LBR: variants seen among roughly 807,000 people sequenced by gnomAD.
The protein encoded by LBR is lamin B receptor.
Under a neutral mutation model 74.3 loss-of-function variants are expected in LBR, and 28 were observed. The ratio of observed to expected loss-of-function variants is 0.38; its 90% CI spans 0.28 to 0.52. The LOEUF is 0.52. LBR is among the 20% of genes least tolerant of loss of function. The probability of loss-of-function intolerance (pLI) is 0.89; values close to 1 mark genes in which losing one functional copy is unlikely to be tolerated. For missense variants in LBR, 717 were observed against 760.3 expected (o/e 0.94, Z 0.67); for synonymous variants, 228 against 269.3 (o/e 0.85, Z 1.50).
chr1:225,408,367 A>C (rs755315343), intron 10 of LBR, among the ~76,000 whole-genome samples: 3 of 152,196 alleles, frequency 2.0e-5, no homozygotes, highest in Non-Finnish European at 4.4e-5. Flanking sequence ...AAAGAGGATA[A>C]AGGTGACAAA....
Position 225,419,704 on chromosome 1 carries a change from C to T in LBR, c.450+11G>A. The stretch of plus-strand genomic sequence containing the variant: ...AAAAAACAACCAAGATGAAAGGGAA[C>T]ACTTTCCCACCTGTGTATTTTTATG... On this transcript the variant is annotated intron_variant, in intron 4 of 13. Coordinates refer to ENST00000272163, the MANE Select transcript of LBR (RefSeq NM_002296.4). The T allele has an allele frequency of 6.3e-7, 1 of 1,587,664 alleles. No homozygotes were observed. The highest frequency in any genetic ancestry group is 1.1e-5 in the South Asian group (1 of 88,064).
chr1:225,411,580 A>G, intron 8 of LBR, 140 bp from the exon 9 acceptor site: 2 of 716,232 alleles, frequency 2.8e-6, no homozygotes, highest in Non-Finnish European at 5.2e-6. Context: ...TGAGAGGCAG[A>G]CAGGACGGCA....
intron 1 of LBR, among the ~76,000 whole-genome samples, chr1:225,424,479 T>C (rs994744907): frequency 6.6e-6 from 1 of 152,208 alleles, no homozygotes; most frequent in African/African-American, 2.4e-5. Context: ...TTTTAACAAA[T>C]TGCCTTTATT....
chr1:225,404,393 G>A lies in LBR; in HGVS notation c.1687+11C>T, dbSNP rs772947857. The A allele has an allele frequency of 6.2e-7, 1 of 1,613,696 alleles. No individual in the cohort carries two copies. The highest frequency in any genetic ancestry group is 1.3e-5 in the African/African-American group (1 of 74,884). ...AAAAGGGTCAAACTAGCACTCTTCTGAAATGCTTACCACATGGGAGGGACC... is the reference window on the plus strand; with the variant it reads ...AAAAGGGTCAAACTAGCACTCTTCTAAAATGCTTACCACATGGGAGGGACC... On this transcript the variant is annotated intron_variant, in intron 13 of 13. Transcript: ENST00000272163.
At chr1:225,409,457 A>G (rs1282179572) in intron 10 of LBR, among the ~76,000 whole-genome samples, 1 of 152,192 alleles carries the variant, frequency 6.6e-6, no homozygotes, top group East Asian at 1.9e-4. Context: ...ATGACCAAAT[A>G]ATATAATTTT....
At chr1:225,410,892 T>C (rs1386104291) in intron 9 of LBR, among the ~76,000 whole-genome samples, 2 of 152,240 alleles carry the variant, frequency 1.3e-5, no homozygotes, top group African/African-American at 4.8e-5. Context: ...TAACCAATGC[T>C]GTCACTATGT....
Position 225,423,411 on chromosome 1 carries a change from G to GC in LBR, c.165+499dup, listed in dbSNP as rs11343443. On this transcript the variant is annotated intron_variant, in intron 2 of 13. Coordinates refer to ENST00000272163, the MANE Select transcript of LBR (RefSeq NM_002296.4). ...AAACCCTTGGGCATGGAATATAAAA[G>GC]CCCCCCCAGCCTGGCTCCTGCTTAG... Among the ~76,000 whole-genome samples, 64 of 152,002 alleles carry GC rather than the reference G, an allele frequency of 4.2e-4. 1 individual carries two copies. The East Asian group carries it at 4.3e-3, about 10-fold the overall frequency.
chr1:225,412,702 G>A, intron 7 of LBR, 57 bp from the exon 8 acceptor site: 1 of 1,445,048 alleles, frequency 6.9e-7, no homozygotes, highest in Non-Finnish European at 9.5e-7. Context: ...AGGCTCACAT[G>A]AAACTTACGC....
At position 225,419,379 on chromosome 1, in the gene LBR, A is replaced by G; in HGVS notation, c.524T>C (p.Val175Ala). 1 of 1,613,830 alleles carries G rather than the reference A, an allele frequency of 6.2e-7. No individual in the cohort carries two copies. Among genetic ancestry groups the G allele is most frequent in the East Asian group, 2.2e-5 (1 of 44,876 alleles). The change falls in exon 5 of 14, where the codon GTC becomes GCC. Residue 175 changes from valine to alanine, a missense_variant. Physicochemically the swap from Val to Ala is moderately conservative, Grantham distance 64. Coordinates refer to ENST00000272163, the MANE Select transcript of LBR (RefSeq NM_002296.4). Reference protein sequence around the residue: ...QYSLRPRREEVKLKEIDSKEE... With the variant: ...QYSLRPRREEAKLKEIDSKEE... ...CTTAGAATCTATTTCTTTTAATTTG[A>G]CTTCTTCTCTTCTTGGACGAAGGCT... is the stretch of plus-strand genomic sequence containing the variant.
chr1:225,415,346 A>T lies in LBR; in HGVS notation c.838-14T>A, dbSNP rs142796875. On this transcript the variant is annotated splice_polypyrimidine_tract_variant and intron_variant, in intron 6 of 13. Coordinates refer to ENST00000272163, the MANE Select transcript of LBR (RefSeq NM_002296.4). ...TCCTTCTACAACCTTAAAAGAAAAA[A>T]AATTTACAAATTTACTAAGCACATC... 1.7e-5 allele frequency: 24 copies of T among 1,393,098 alleles called. No homozygotes were observed. Among genetic ancestry groups the T allele is most frequent in the Non-Finnish European group, 2.1e-5 (21 of 985,830 alleles). 86.3% of individuals were successfully genotyped at this position (1,393,098 alleles called of 1,614,324 possible). A position where few individuals can be genotyped will look rare whatever the true frequency, so the allele number is the denominator to read the frequency against.
chr1:225,424,981 T>C (rs2096136241), intron 1 of LBR, among the ~76,000 whole-genome samples: 3 of 152,198 alleles, frequency 2.0e-5, no homozygotes, highest in Non-Finnish European at 2.9e-5. Context: ...CAGTACCACA[T>C]GAACTAGCTG....
intron 4 of LBR, 78 bp from the exon 5 acceptor site, chr1:225,419,530 C>A: frequency 9.5e-7 from 1 of 1,056,642 alleles, no homozygotes; most frequent in South Asian, 1.3e-5. Context: ...ATTTCAGCAT[C>A]TCAATACAGC....
intron 1 of LBR, among the ~76,000 whole-genome samples, chr1:225,425,960 C>T (rs2096138358): frequency 6.6e-6 from 1 of 152,226 alleles, no homozygotes; most frequent in Non-Finnish European, 1.5e-5. Flanking sequence ...TGCACTTACA[C>T]ACCACATACA....
intron 1 of LBR, among the ~76,000 whole-genome samples, chr1:225,426,452 C>A (rs577499987): frequency 1.3e-5 from 2 of 152,210 alleles, no homozygotes; most frequent in Non-Finnish European, 2.9e-5. Context: ...TGTCCTCATT[C>A]GCCATAAACA....
chr1:225,424,140 A>G (rs2096134499), intron 1 of LBR, 51 bp from the exon 2 acceptor site: 20 of 1,378,982 alleles, frequency 1.5e-5, no homozygotes, highest in Non-Finnish European at 2.0e-5. Context: ...ACATTTATGT[A>G]TTCGTCTTTT....
At chr1:225,417,876 AG>A (rs2096120431) in intron 6 of LBR, 107 bp downstream of exon 6, 1 of 983,132 alleles carries the variant, frequency 1.0e-6, no homozygotes, top group Admixed American at 1.9e-5. Flanking sequence ...CCAGCGACTC[AG>A]GAGGCTGCGG....
At position 225,422,255 on chromosome 1, in the gene LBR, C is replaced by T. The variant is rs924146540; in HGVS notation, c.188G>A (p.Arg63Lys). 1 of 1,613,718 alleles carries T rather than the reference C, an allele frequency of 6.2e-7. No individual in the cohort carries two copies. Among genetic ancestry groups the T allele is most frequent in the Middle Eastern group, 1.7e-4 (1 of 5,716 alleles). Reference protein sequence around the residue: ...DIKPLTSFRQRKGGSTSSSPS... With the variant: ...DIKPLTSFRQKKGGSTSSSPS... ...GGAACTGGAAGTTGAGCCACCTTTC[C>T]TTTGCCTAAAGGAAGTTAAAGGCTA... The change falls in exon 3 of 14, where the codon AGG (arginine) becomes AAG (lysine). Residue 63 changes from arginine (R) to lysine (K), a missense_variant. Physicochemically the swap from Arg to Lys is conservative, Grantham distance 26 (BLOSUM62 2). Coordinates refer to ENST00000272163, the MANE Select transcript of LBR (RefSeq NM_002296.4).
chr1:225,423,903 G>T lies in LBR; in HGVS notation c.165+8C>A. ...AAACACACTCTGATAAACCAAAGGA[G>T]CTCTTACCTTAATATCATTCTCTTT... On this transcript the variant is annotated splice_region_variant and intron_variant, in intron 2 of 13. Coordinates refer to ENST00000272163, the MANE Select transcript of LBR (RefSeq NM_002296.4). 1 of 1,611,058 alleles carries T rather than the reference G, an allele frequency of 6.2e-7. No individual in the cohort carries two copies.
chr1:225,422,074 T>C lies in LBR; in HGVS notation c.366+3A>G, dbSNP rs1558657603. 2.5e-6 allele frequency: 4 copies of C among 1,613,656 alleles called. No homozygotes were observed. Among genetic ancestry groups the C allele is most frequent in the Non-Finnish European group, 3.4e-6 (4 of 1,179,748 alleles). On this transcript the variant is annotated splice_donor_region_variant and intron_variant, in intron 3 of 13. Transcript: ENST00000272163. ...AAGGCTGTATAAGGATAAACACAAG[T>C]ACCAGAATCAGCGGAGTCAATTTAA... is the stretch of plus-strand genomic sequence containing the variant.
Sources: allele counts gnomAD v4.1 joint callset (sites outside exome capture counted in the v4.1 genomes callset), GRCh38; gene constraint gnomAD v4.1.1; transcripts MANE v1.5; gene names NCBI Gene and HGNC (gene_info 2026-07-23, HGNC 2026-07-21).